The following SERPINA6 variants were observed in gnomAD, a reference collection of about 807,000 sequenced individuals.
SERPINA6 encodes the protein serpin family A member 6, also known as corticosteroid-binding globulin.
A neutral mutation model predicts 26.4 loss-of-function variants in SERPINA6; 19 were observed. The observed-to-expected ratio is 0.72, with a 90% CI of 0.50 to 1.06. The LOEUF is 1.06. SERPINA6 is among the 50% of genes least tolerant of loss of function. The probability of loss-of-function intolerance (pLI) is 0.00; values close to 1 mark genes in which losing one functional copy is unlikely to be tolerated. For missense variants in SERPINA6, 473 were observed against 504.0 expected, an observed-to-expected ratio of 0.94 and a Z score of 0.59; for synonymous variants, 196 against 199.4, an observed-to-expected ratio of 0.98 and a Z score of 0.14.
In SERPINA6 at chr14:94,306,086, C is replaced by T. The variant is rs766303703; in HGVS notation, c.1017G>A (p.Gln339=). 4.3e-6 allele frequency: 7 copies of T among 1,614,210 alleles called. No homozygotes were observed. Among genetic ancestry groups the T allele is most frequent in the Non-Finnish European group, 5.9e-6 (7 of 1,180,038 alleles). The change falls in exon 4 of 5, where the codon CAG becomes CAA. Residue 339 remains glutamine, a synonymous_variant. Transcript: ENST00000341584. ...ANFSRITQDA[Q]LKSSKVVHKA... ...TGACATTTACCTTTGATGACTTCAG[C>T]TGGGCGTCCTGGGTGATGCGTGAGA...
In SERPINA6 at chr14:94,319,108, C is replaced by A. The variant is rs536751200; in HGVS notation, c.-20+4159G>T. ...GGAATATCAAAACCGCAATGAGATA[C>A]CACTTTGTATCCACAGGGATGGCTA... On this transcript the variant is annotated intron_variant, in intron 1 of 4. Transcript: ENST00000341584. Among the ~76,000 whole-genome samples, 5 of 152,234 alleles carry A rather than the reference C, an allele frequency of 3.3e-5. No homozygotes were observed. In the South Asian group the frequency reaches 1.0e-3, roughly 32 times the overall value.
intron 2 of SERPINA6, 83 bp downstream of exon 2, chr14:94,313,953 G>T (rs983396584): frequency 2.8e-6 from 4 of 1,445,380 alleles, no homozygotes; most frequent in African/African-American, 2.8e-5. Flanking sequence ...CAAAGACTTT[G>T]CCCAAGAGTG....
intron 1 of SERPINA6, among the ~76,000 whole-genome samples, chr14:94,320,741 C>T (rs1319196191): frequency 6.6e-6 from 1 of 152,176 alleles, no homozygotes; most frequent in Non-Finnish European, 1.5e-5. Flanking sequence ...CCCCGCAAAA[C>T]CCTTAGTTCT....
chr14:94,309,053 C>T lies in SERPINA6; in HGVS notation c.884+683G>A, dbSNP rs115481389. On this transcript the variant is annotated intron_variant, in intron 3 of 4. Transcript: ENST00000341584. ...ATTGCTGACTCACATCCTCAGCTGA[C>T]CTTGCCTGAGTGTCAACCCTGCACC... is the stretch of plus-strand genomic sequence containing the variant. 5.8e-3 allele frequency among the ~76,000 whole-genome samples: 890 copies of T among 152,370 alleles called. 8 individuals are homozygous for T. The highest frequency in any genetic ancestry group is 0.02 in the African/African-American group (848 of 41,588).
rs1895669425 is a variant in SERPINA6, at chr14:94,320,450, A to T, written c.-20+2817T>A. On this transcript the variant is annotated intron_variant, in intron 1 of 4. Coordinates refer to ENST00000341584, the MANE Select transcript of SERPINA6 (RefSeq NM_001756.4). ...CAAACAAGGCAAACACAGAGCTGTA[A>T]CCTATCAGCCTATGTGTGTATGTCA... Among the ~76,000 whole-genome samples the T allele has an allele frequency of 2.0e-5, 3 of 152,314 alleles. No homozygotes were observed. In the South Asian group the frequency reaches 6.2e-4, roughly 32 times the overall value.
chr14:94,314,458 A>C lies in SERPINA6; in HGVS notation c.191T>G (p.Phe64Cys), dbSNP rs1257561313. ...LVALSPKKNIFISPVSISMAL... is the reference protein window; with the variant it reads ...LVALSPKKNICISPVSISMAL... ...CATGGAGATGCTCACAGGGGAGATG[A>C]AAATGTTCTTTTTGGGACTCAAGGC... Residue 64 changes from phenylalanine (F) to cysteine (C), a missense_variant, in exon 2 of 5, where the codon TTC becomes TGC. Physicochemically the swap from Phe to Cys is radical, Grantham distance 205. Transcript: ENST00000341584. 4 of 1,614,050 alleles carry C rather than the reference A, an allele frequency of 2.5e-6. No individual in the cohort carries two copies. The highest frequency in any genetic ancestry group is 3.4e-6 in the Non-Finnish European group (4 of 1,180,044).
At chr14:94,320,038 G>A (rs562692666) in intron 1 of SERPINA6, among the ~76,000 whole-genome samples, 11 of 152,274 alleles carry the variant, frequency 7.2e-5, no homozygotes, top group African/African-American at 2.6e-4. Context: ...ATCCACCCAA[G>A]GTTGGAATCA....
intron 1 of SERPINA6, among the ~76,000 whole-genome samples, chr14:94,320,826 C>G (rs191596470): frequency 6.6e-6 from 1 of 152,194 alleles, no homozygotes; most frequent in African/African-American, 2.4e-5. Context: ...GTTGGCTGCT[C>G]TAGCCCCTAG....
At chr14:94,318,011 C>G (rs2139726395) in intron 1 of SERPINA6, among the ~76,000 whole-genome samples, 1 of 152,260 alleles carries the variant, frequency 6.6e-6, no homozygotes, top group East Asian at 1.9e-4. Flanking sequence ...AATCAAAACA[C>G]TAACATCAAT....
Position 94,314,580 on chromosome 14 carries a change from C to T in SERPINA6, c.69G>A (p.Met23Ile). ...PTSGLWTVQAMDPNAAYVNMS... is the reference protein window; with the variant it reads ...PTSGLWTVQAIDPNAAYVNMS... The stretch of plus-strand genomic sequence containing the variant: ...TGTTCACATAAGCAGCGTTAGGATC[C>T]ATGGCCTGGACGGTCCAGAGGCCGC... The change falls in exon 2 of 5, where the codon ATG (methionine) becomes ATA (isoleucine). Residue 23 changes from methionine (M) to isoleucine (I), a missense_variant. Transcript: ENST00000341584. The T allele has an allele frequency of 6.2e-7, 1 of 1,614,238 alleles. No individual in the cohort carries two copies. Among genetic ancestry groups the T allele is most frequent in the South Asian group, 1.1e-5 (1 of 91,082 alleles).
rs761035992 is a variant in SERPINA6, at chr14:94,304,439, C to T, written c.1197G>A (p.Ala399=). Residue 399 remains alanine (A), a synonymous_variant, in exon 5 of 5, where the codon GCG becomes GCA. Transcript: ENST00000341584. ...DHFTWSSLFL[A]RVMNPV Reference sequence around the variant, plus strand: ...TCTCTTACACTGGGTTCATAACCCTCGCCAGGAAAAGGCTGCTCCAGGTGA... The same window carrying T: ...TCTCTTACACTGGGTTCATAACCCTTGCCAGGAAAAGGCTGCTCCAGGTGA... 1.5e-5 allele frequency: 25 copies of T among 1,613,860 alleles called. No homozygotes were observed. The highest frequency in any genetic ancestry group is 1.3e-4 in the East Asian group (6 of 44,888).
intron 3 of SERPINA6, among the ~76,000 whole-genome samples, chr14:94,309,510 G>A (rs1157074376): frequency 1.3e-5 from 2 of 152,212 alleles, no homozygotes; most frequent in African/African-American, 2.4e-5. Flanking sequence ...ACCTCACTCT[G>A]TGAAATGCCC....
intron 2 of SERPINA6, among the ~76,000 whole-genome samples, chr14:94,313,513 G>A (rs1333405537): frequency 6.6e-6 from 1 of 152,216 alleles, no homozygotes; most frequent in African/African-American, 2.4e-5. Flanking sequence ...TTGAAAATAA[G>A]AGAGGCCCAC....
Position 94,314,220 on chromosome 14 carries a change from G to C in SERPINA6, c.429C>G (p.Phe143Leu). The change falls in exon 2 of 5, where the codon TTC becomes TTG. Residue 143 changes from phenylalanine to leucine, a missense_variant. Coordinates refer to ENST00000341584, the MANE Select transcript of SERPINA6 (RefSeq NM_001756.4). ...CATAGTAGTGCTTGATGTCTGCTGA[G>C]AATGACTCCAGCAACTCCAGGCTGC... is the stretch of plus-strand genomic sequence containing the variant. ...LDGSLELLES[F>L]SADIKHYYES... 1 of 1,614,170 alleles carries C rather than the reference G, an allele frequency of 6.2e-7. No homozygotes were observed.
rs1384262747 is a variant in SERPINA6, at chr14:94,310,027, G to T, written c.614-21C>A. On this transcript the variant is annotated intron_variant, in intron 2 of 4. Coordinates refer to ENST00000341584, the MANE Select transcript of SERPINA6 (RefSeq NM_001756.4). ...TGTGCCTAGGAAGAGGAGGAGACAG[G>T]TCTGTAGGGCAGAGAGGAAAACACA... 1.9e-6 allele frequency: 3 copies of T among 1,613,418 alleles called. 1 individual carries two copies. The highest frequency in any genetic ancestry group is 2.5e-6 in the Non-Finnish European group (3 of 1,179,786).
chr14:94,321,278 T>G (rs1895682019), intron 1 of SERPINA6, among the ~76,000 whole-genome samples: 1 of 152,092 alleles, frequency 6.6e-6, no homozygotes, highest in South Asian at 2.1e-4. Context: ...TTTTAAATTC[T>G]CAAAAATTCA....
chr14:94,320,951 C>T (rs7161521), intron 1 of SERPINA6, among the ~76,000 whole-genome samples: 30,508 of 151,996 alleles, frequency 0.2, 3,450 homozygotes, highest in East Asian at 0.39. Context: ...TGGGTCCTCG[C>T]GACAATTCTT....
chr14:94,314,554 A>G lies in SERPINA6; in HGVS notation c.95T>C (p.Met32Thr). 6.2e-7 allele frequency: 1 copy of G among 1,614,218 alleles called. No homozygotes were observed. Among genetic ancestry groups the G allele is most frequent in the Non-Finnish European group, 8.5e-7 (1 of 1,180,038 alleles). Residue 32 changes from methionine (M) to threonine (T), a missense_variant, in exon 2 of 5, where the codon ATG becomes ACG. Coordinates refer to ENST00000341584, the MANE Select transcript of SERPINA6 (RefSeq NM_001756.4). ...AMDPNAAYVN[M>T]SNHHRGLASA... ...AGCCAGGCCCCGGTGATGGTTACTC[A>G]TGTTCACATAAGCAGCGTTAGGATC...
intron 1 of SERPINA6, among the ~76,000 whole-genome samples, chr14:94,322,907 T>G (rs1460540187): frequency 6.6e-6 from 1 of 152,026 alleles, no homozygotes; most frequent in Non-Finnish European, 1.5e-5. Flanking sequence ...CTGGAGCAGA[T>G]GCATTGTAGC....
Sources: allele counts gnomAD v4.1 joint callset (sites outside exome capture counted in the v4.1 genomes callset), GRCh38; gene constraint gnomAD v4.1.1; transcripts MANE v1.5; gene names NCBI Gene and HGNC (gene_info 2026-07-23, HGNC 2026-07-21).